The following FHOD3 variants were observed in gnomAD, a reference collection of about 807,000 sequenced individuals.
FHOD3 encodes FH1/FH2 domain-containing protein 3.
A neutral mutation model predicts 173.0 loss-of-function variants in FHOD3; 90 were observed. The observed-to-expected ratio is 0.52, with a 90% confidence interval of 0.44 to 0.62. The LOEUF is 0.62. Ranked by LOEUF, FHOD3 falls within the 20% of genes least tolerant of loss-of-function variation. The pLI is 0.00. For missense variants in FHOD3, 1,945 were observed against 2,034.7 expected, an observed-to-expected ratio of 0.96 and a Z score of 0.85; for synonymous variants, 828 against 823.0, an observed-to-expected ratio of 1.01 and a Z score of -0.10.
chr18:36,301,691 A>G (rs2091959975), intron 1 of FHOD3, among the ~76,000 whole-genome samples: 1 of 152,244 alleles, frequency 6.6e-6, no homozygotes, highest in Non-Finnish European at 1.5e-5. Context: ...CTGCAGTAGC[A>G]TTCATAGAAT....
At chr18:36,450,036 C>T (rs979341624) in intron 3 of FHOD3, among the ~76,000 whole-genome samples, 3 of 152,110 alleles carry the variant, frequency 2.0e-5, no homozygotes, top group Non-Finnish European at 4.4e-5. Flanking sequence ...GCGGTATACA[C>T]TGTAGCCAAT....
intron 1 of FHOD3, among the ~76,000 whole-genome samples, chr18:36,300,265 T>C (rs970260801): frequency 6.6e-6 from 1 of 152,206 alleles, no homozygotes; most frequent in African/African-American, 2.4e-5. Flanking sequence ...TGTTCTGTTC[T>C]GGGAACCAGG....
At chr18:36,537,929 C>G (rs1195780662) in intron 5 of FHOD3, among the ~76,000 whole-genome samples, 3 of 152,062 alleles carry the variant, frequency 2.0e-5, no homozygotes, top group Non-Finnish European at 4.4e-5. Flanking sequence ...CAAGATAGAC[C>G]ATATACTGGG....
rs181367819 is a variant in FHOD3, at chr18:36,481,902, A to G, written c.338-20030A>G. Among the ~76,000 whole-genome samples, 38 of 152,344 alleles carry G rather than the reference A, an allele frequency of 2.5e-4. No individual in the cohort carries two copies. In the Middle Eastern group the frequency reaches 0.01, roughly 41 times the overall value. On this transcript the variant is annotated intron_variant, in intron 3 of 28. Coordinates refer to ENST00000590592, the MANE Select transcript of FHOD3 (RefSeq NM_001281740.3). ...TTAATCTAGTTGAAAGTGAGAACAA[A>G]TTAATTCATGTTTCCTCAACTCCGA...
intron 3 of FHOD3, among the ~76,000 whole-genome samples, chr18:36,456,612 C>T (rs544031123): frequency 1.3e-5 from 2 of 152,022 alleles, no homozygotes; most frequent in Non-Finnish European, 2.9e-5. Context: ...TGGGGTACTA[C>T]TGGATGGGGC....
At chr18:36,312,539 G>A (rs1201842248) in intron 1 of FHOD3, among the ~76,000 whole-genome samples, 1 of 152,104 alleles carries the variant, frequency 6.6e-6, no homozygotes, top group Non-Finnish European at 1.5e-5. Flanking sequence ...GCCTCAGCGA[G>A]GAGCATTGCC....
intron 3 of FHOD3, among the ~76,000 whole-genome samples, chr18:36,498,501 A>T (rs1285056079): frequency 6.6e-6 from 1 of 152,230 alleles, no homozygotes; most frequent in Admixed American, 6.5e-5. Flanking sequence ...GCTACAGTTA[A>T]TAAAAGGATG....
chr18:36,594,985 T>A, intron 7 of FHOD3, 87 bp downstream of exon 7: 4 of 825,096 alleles, frequency 4.8e-6, no homozygotes, highest in East Asian at 2.8e-5. Flanking sequence ...GAGACAGATA[T>A]AAGAATTAAT....
intron 3 of FHOD3, among the ~76,000 whole-genome samples, chr18:36,393,610 T>TACACA (rs1324736281): frequency 6.6e-6 from 1 of 152,022 alleles, no homozygotes; most frequent in Non-Finnish European, 1.5e-5. Flanking sequence ...CAATTCAGGG[T>TACACA]ATTGGGCTAC....
chr18:36,610,132 G>A (rs897886390), intron 8 of FHOD3, among the ~76,000 whole-genome samples: 5 of 152,178 alleles, frequency 3.3e-5, no homozygotes, highest in Non-Finnish European at 4.4e-5. Flanking sequence ...TCTGTGCCTG[G>A]GGCTGGCCCC....
Position 36,315,157 on chromosome 18 carries a change from A to G in FHOD3, c.165+17157A>G, listed in dbSNP as rs139468776. On this transcript the variant is annotated intron_variant, in intron 1 of 28. Transcript: ENST00000590592. ...TAGGCATCACTTTATTTCTATGAAA[A>G]ATGCACTCAGAGTTCCACATAGTCG... is the stretch of plus-strand genomic sequence containing the variant. Among the ~76,000 whole-genome samples the G allele has an allele frequency of 4.0e-3, 605 of 152,276 alleles. 6 individuals are homozygous for G. Among genetic ancestry groups the G allele is most frequent in the African/African-American group, 0.014 (580 of 41,546 alleles).
chr18:36,652,887 T>G lies in FHOD3; in HGVS notation c.1604T>G (p.Leu535Arg). 6.5e-7 allele frequency: 1 copy of G among 1,535,602 alleles called. No homozygotes were observed. Among genetic ancestry groups the G allele is most frequent in the Non-Finnish European group, 8.7e-7 (1 of 1,146,472 alleles). The change falls in exon 12 of 29, where the codon CTG (leucine) becomes CGG (arginine). Residue 535 changes from leucine to arginine, a missense_variant. Physicochemically the swap from Leu to Arg is moderately radical, Grantham distance 102. Coordinates refer to ENST00000590592, the MANE Select transcript of FHOD3 (RefSeq NM_001281740.3). ...LFSYDFEDSSLSTKEKEAESQ... is the reference protein window; with the variant it reads ...LFSYDFEDSSRSTKEKEAESQ... Reference sequence around the variant, plus strand: ...TCCTATGACTTTGAGGACTCCTCCCTGTCCACCAAGGAGAAGGAAGCAGAG... The same window carrying G: ...TCCTATGACTTTGAGGACTCCTCCCGGTCCACCAAGGAGAAGGAAGCAGAG...
chr18:36,728,042 G>A (rs1411844186), intron 19 of FHOD3, among the ~76,000 whole-genome samples: 2 of 152,222 alleles, frequency 1.3e-5, no homozygotes, highest in Non-Finnish European at 2.9e-5. Context: ...GAAGAAGGGG[G>A]ATGAGCACAA....
intron 6 of FHOD3, among the ~76,000 whole-genome samples, chr18:36,590,678 T>C (rs1314424940): frequency 6.6e-6 from 1 of 152,148 alleles, no homozygotes; most frequent in Admixed American, 6.5e-5. Context: ...CATCAGAAGA[T>C]GTTTGGGGAT....
chr18:36,669,918 C>T (rs568813684), intron 14 of FHOD3, among the ~76,000 whole-genome samples: 1 of 151,796 alleles, frequency 6.6e-6, no homozygotes, highest in Non-Finnish European at 1.5e-5. Context: ...TCTTTTAGTG[C>T]AGGTCTAGAT....
At chr18:36,482,858 C>CAG (rs138052316) in intron 3 of FHOD3, among the ~76,000 whole-genome samples, 3,462 of 130,324 alleles carry the variant, frequency 0.027, 52 homozygotes, top group Admixed American at 0.038. Context: ...CACACACACA[C>CAG]AGAGAGAGAG....
intron 6 of FHOD3, among the ~76,000 whole-genome samples, chr18:36,593,780 T>C (rs565052114): frequency 6.6e-6 from 1 of 152,246 alleles, no homozygotes; most frequent in Middle Eastern, 3.4e-3. Flanking sequence ...CAAGTGCCAT[T>C]CCAGGCCCTG....
chr18:36,682,428 C>A (rs1206121120), intron 15 of FHOD3, among the ~76,000 whole-genome samples: 1 of 152,040 alleles, frequency 6.6e-6, no homozygotes, highest in Non-Finnish European at 1.5e-5. Context: ...CTTCTACATT[C>A]TTTCTTTTCA....
chr18:36,360,352 C>T (rs533637065), intron 2 of FHOD3, among the ~76,000 whole-genome samples: 50 of 152,198 alleles, frequency 3.3e-4, no homozygotes, highest in Non-Finnish European at 5.0e-4. Flanking sequence ...TCACCTTTTC[C>T]TTGGCATGAC....
Sources: gnomAD v4.1 joint callset for allele counts (sites outside exome capture counted in the v4.1 genomes callset) on GRCh38, gnomAD v4.1.1 for gene constraint, MANE v1.5 for transcripts, NCBI Gene and HGNC (gene_info 2026-07-23, HGNC 2026-07-21) for gene names.